GRID1: variants seen among roughly 807,000 people sequenced by gnomAD.
GRID1 encodes the protein glutamate ionotropic receptor delta type subunit 1, also known as glutamate receptor ionotropic, delta-1.
A neutral mutation model predicts 98.0 loss-of-function variants in GRID1; 28 were observed. The observed-to-expected ratio is 0.29, with a 90% CI of 0.21 to 0.39. The LOEUF (loss-of-function observed/expected upper bound fraction) is 0.39. GRID1 is among the 10% of genes least tolerant of loss of function. The pLI is 1.00. For missense variants in GRID1, 1,111 were observed against 1,340.5 expected, an observed-to-expected ratio of 0.83 and a Z score of 2.67; for synonymous variants, 553 against 538.5, an observed-to-expected ratio of 1.03 and a Z score of -0.37.
At chr10:85,990,443 C>A (rs1190625049) in intron 4 of GRID1, among the ~76,000 whole-genome samples, 1 of 152,156 alleles carries the variant, frequency 6.6e-6, no homozygotes, top group African/African-American at 2.4e-5. Context: ...TTAAAGGAGA[C>A]AATATGCAGT....
intron 2 of GRID1, among the ~76,000 whole-genome samples, chr10:86,272,916 TTTA>T (rs927981945): frequency 6.6e-6 from 1 of 152,184 alleles, no homozygotes; most frequent in African/African-American, 2.4e-5. Context: ...GTTTTTGTTT[TTTA>T]TTATTATTAT....
At chr10:85,818,531 T>G (rs925160111) in intron 8 of GRID1, among the ~76,000 whole-genome samples, 1 of 152,084 alleles carries the variant, frequency 6.6e-6, no homozygotes, top group Non-Finnish European at 1.5e-5. Flanking sequence ...ACCAATAAAA[T>G]AAGCCAGAGC....
intron 4 of GRID1, among the ~76,000 whole-genome samples, chr10:86,087,315 G>A (rs1414875174): frequency 6.6e-6 from 1 of 151,010 alleles, no homozygotes; most frequent in African/African-American, 2.5e-5. Context: ...TATATGGCAT[G>A]AATGTACATG....
intron 8 of GRID1, among the ~76,000 whole-genome samples, chr10:85,806,324 G>C (rs550807232): frequency 1.3e-5 from 2 of 152,126 alleles, no homozygotes; most frequent in African/African-American, 4.8e-5. Context: ...TGGTAAGAAA[G>C]TGGAGCAACT....
chr10:85,956,012 G>A (rs1021996692), intron 4 of GRID1, among the ~76,000 whole-genome samples: 7 of 152,196 alleles, frequency 4.6e-5, no homozygotes, highest in African/African-American at 1.4e-4. Flanking sequence ...CAGGCTCCCT[G>A]GCAAAATTGA....
chr10:86,287,368 C>G (rs1770690623), intron 2 of GRID1, among the ~76,000 whole-genome samples: 1 of 151,992 alleles, frequency 6.6e-6, no homozygotes, highest in Non-Finnish European at 1.5e-5. Flanking sequence ...CAGGGGAGAG[C>G]CCTGGGCACC....
At chr10:86,349,656 A>G (rs1848436510) in intron 2 of GRID1, among the ~76,000 whole-genome samples, 1 of 152,218 alleles carries the variant, frequency 6.6e-6, no homozygotes, top group African/African-American at 2.4e-5. Flanking sequence ...GCAGACCTAC[A>G]GGGGGCAGGA....
intron 2 of GRID1, among the ~76,000 whole-genome samples, chr10:86,308,448 C>A (rs1847788939): frequency 6.6e-6 from 1 of 152,222 alleles, no homozygotes; most frequent in African/African-American, 2.4e-5. Context: ...CCCAAAGGAA[C>A]TGGTGAAATA....
intron 4 of GRID1, among the ~76,000 whole-genome samples, chr10:85,950,900 T>A (rs977988273): frequency 2.6e-5 from 4 of 152,178 alleles, no homozygotes; most frequent in African/African-American, 9.7e-5. Flanking sequence ...AGAGTCTCCT[T>A]CCAGGAGTAA....
intron 3 of GRID1, among the ~76,000 whole-genome samples, chr10:86,174,079 T>C (rs1179139746): frequency 6.6e-6 from 1 of 152,210 alleles, no homozygotes; most frequent in African/African-American, 2.4e-5. Flanking sequence ...TATAGTCCTT[T>C]GGGTATATAC....
chr10:86,316,035 C>A (rs1231793663), intron 2 of GRID1, among the ~76,000 whole-genome samples: 1 of 152,336 alleles, frequency 6.6e-6, no homozygotes, highest in South Asian at 2.1e-4. Context: ...CACCTACCTA[C>A]ACACCCATCC....
At chr10:86,185,861 T>A (rs1845719096) in intron 3 of GRID1, among the ~76,000 whole-genome samples, 1 of 152,228 alleles carries the variant, frequency 6.6e-6, no homozygotes, top group Admixed American at 6.5e-5. Context: ...TTTGTTGAAG[T>A]TCTTATGAAG....
intron 3 of GRID1, among the ~76,000 whole-genome samples, chr10:86,141,092 A>G (rs1453150490): frequency 6.6e-6 from 1 of 152,124 alleles, no homozygotes; most frequent in Non-Finnish European, 1.5e-5. Flanking sequence ...CCACTGTGTC[A>G]GACAGGAAGG....
At chr10:86,164,236 G>T (rs1441152048) in intron 3 of GRID1, among the ~76,000 whole-genome samples, 1 of 152,180 alleles carries the variant, frequency 6.6e-6, no homozygotes, top group Non-Finnish European at 1.5e-5. Context: ...TCTGGGGGAG[G>T]CTCCAGCCCA....
intron 3 of GRID1, among the ~76,000 whole-genome samples, chr10:86,154,116 T>C (rs571138629): frequency 2.6e-5 from 4 of 152,158 alleles, no homozygotes; most frequent in African/African-American, 9.6e-5. Flanking sequence ...TCAATGCCAG[T>C]GGGGTGGGGC....
intron 3 of GRID1, among the ~76,000 whole-genome samples, chr10:86,171,923 T>TA (rs1845494017): frequency 1.3e-5 from 2 of 152,262 alleles, no homozygotes; most frequent in South Asian, 4.1e-4. Flanking sequence ...TGCCAGGAAA[T>TA]ACGTTACACA....
At chr10:85,782,599 T>G (rs761304066) in intron 8 of GRID1, among the ~76,000 whole-genome samples, 2 of 152,196 alleles carry the variant, frequency 1.3e-5, no homozygotes, top group Non-Finnish European at 1.5e-5. Context: ...AGAAGAGTTA[T>G]TTGAGTAAAA....
At chr10:86,265,624 C>T (rs527728086) in intron 2 of GRID1, among the ~76,000 whole-genome samples, 293 of 152,358 alleles carry the variant, frequency 1.9e-3, no homozygotes, top group Non-Finnish European at 3.5e-3. Context: ...CATTCTTGCT[C>T]TTGCAGCCAT....
At chr10:85,685,391 A>G (rs559806051) in intron 12 of GRID1, among the ~76,000 whole-genome samples, 49 of 152,302 alleles carry the variant, frequency 3.2e-4, no homozygotes, top group African/African-American at 1.1e-3. Context: ...AAAACATGAG[A>G]TAAGTTAAAT....
Sources: allele counts gnomAD v4.1 joint callset (sites outside exome capture counted in the v4.1 genomes callset), GRCh38; gene constraint gnomAD v4.1.1; transcripts MANE v1.5; gene names NCBI Gene and HGNC (gene_info 2026-07-23, HGNC 2026-07-21).